Variants in FSIP2 observed in about 807,000 individuals in gnomAD.
FSIP2 encodes fibrous sheath-interacting protein 2.
FSIP2 carries 367 observed loss-of-function variants against 510.5 expected under a neutral mutation model. The observed-to-expected ratio is 0.72, with a 90% CI of 0.66 to 0.78. The LOEUF is 0.78. Among genes scored for constraint, FSIP2 ranks in the 30% least tolerant of loss-of-function variants. FSIP2 has a pLI of 0.00. For synonymous variants in FSIP2, 2,601 were observed against 2,732.2 expected (o/e 0.95, Z 1.50); for missense variants, 7,594 against 7,901.7 (o/e 0.96, Z 1.48).
intron 13 of FSIP2, among the ~76,000 whole-genome samples, chr2:185,768,066 G>C (rs1692531100): frequency 6.6e-6 from 1 of 152,042 alleles, no homozygotes; most frequent in Non-Finnish European, 1.5e-5. Context: ...GGCATTCTAA[G>C]AGATGTGAAG....
chr2:185,752,284 G>A (rs1692164652), intron 7 of FSIP2, among the ~76,000 whole-genome samples: 1 of 150,404 alleles, frequency 6.6e-6, no homozygotes, highest in Admixed American at 6.6e-5. Context: ...TTGATTCCAA[G>A]AAGAATTCTA....
In FSIP2 at chr2:185,803,914, G is replaced by T. The variant is rs1225278162; in HGVS notation, c.14608G>T (p.Asp4870Tyr). ...IQSMVDSIYA[D>Y]LSHSNIYQSI... ...GTCTATGGTTGATTCCATTTATGCTGATCTTTCTCATTCAAATATATACCA... is the reference window on the plus strand; with the variant it reads ...GTCTATGGTTGATTCCATTTATGCTTATCTTTCTCATTCAAATATATACCA... The change falls in exon 17 of 23, where the codon GAT becomes TAT. Residue 4870 changes from aspartate to tyrosine, a missense_variant. By Grantham distance (160) the Asp-to-Tyr change is radical (BLOSUM62 -3). Coordinates refer to ENST00000424728, the MANE Select transcript of FSIP2 (RefSeq NM_173651.4). 1.0e-5 allele frequency: 16 copies of T among 1,525,250 alleles called. No homozygotes were observed. Among genetic ancestry groups the T allele is most frequent in the Non-Finnish European group, 1.3e-5 (15 of 1,139,428 alleles). The allele number at this position is 1,525,250 out of a possible 1,614,324, so 94.5% of individuals were successfully genotyped here. A position where few individuals can be genotyped will look rare whatever the true frequency, so the allele number is the denominator to read the frequency against.
chr2:185,824,699 A>G (rs1394861304), intron 20 of FSIP2, among the ~76,000 whole-genome samples: 3 of 151,824 alleles, frequency 2.0e-5, no homozygotes, highest in Admixed American at 1.3e-4. Context: ...TGTGGTATCA[A>G]GTATATGGTT....
rs1039898970 is a variant in FSIP2 at position 185,738,865 on chromosome 2, G to T, written c.-30G>T. 2.0e-6 allele frequency: 3 copies of T among 1,521,670 alleles called. No individual in the cohort carries two copies. The highest frequency in any genetic ancestry group is 2.9e-5 in the African/African-American group (2 of 70,094). The allele number at this position is 1,521,670 out of a possible 1,614,324, so 94.3% of individuals were successfully genotyped here. ...GCTAGAGAAGGAGAGCGGGGCGGGT[G>T]AGGAAGGGGCTGAGGGGGCTGTGCC... On this transcript the variant is annotated 5_prime_UTR_variant, in exon 1 of 23. Transcript: ENST00000424728.
rs779866454 is a variant in FSIP2, at chr2:185,813,835, G to C, written c.20118G>C (p.Thr6706=). 1.2e-6 allele frequency: 2 copies of C among 1,613,424 alleles called. No individual in the cohort carries two copies. The highest frequency in any genetic ancestry group is 3.3e-5 in the Admixed American group (2 of 59,906). The change falls in exon 18 of 23, where the codon ACG becomes ACC. Residue 6706 remains threonine, a synonymous_variant. Transcript: ENST00000424728. ...TTTCTCCTAAGTCAACACTAAGCAC[G>C]AGCAGCCTGAAAAAATTTTTGTCAC... ...SKLSPKSTLS[T]SSLKKFLSLS... is the part of the protein sequence containing the mutation.
intron 13 of FSIP2, among the ~76,000 whole-genome samples, chr2:185,769,086 A>G (rs1428040413): frequency 2.6e-5 from 4 of 152,180 alleles, no homozygotes; most frequent in Non-Finnish European, 4.4e-5. Flanking sequence ...AATGTGCTGC[A>G]ATGAACATAC....
At chr2:185,743,635 C>T (rs1691969566) in intron 3 of FSIP2, among the ~76,000 whole-genome samples, 1 of 152,002 alleles carries the variant, frequency 6.6e-6, no homozygotes, top group African/African-American at 2.4e-5. Flanking sequence ...GAATTATGTT[C>T]CATATACTTT....
Position 185,745,434 on chromosome 2 carries a change from A to C in FSIP2, c.483A>C (p.Ile161=), listed in dbSNP as rs1692008560. The change falls in exon 5 of 23, where the codon ATA becomes ATC. Residue 161 remains isoleucine, a synonymous_variant. Coordinates refer to ENST00000424728, the MANE Select transcript of FSIP2 (RefSeq NM_173651.4). ...TACACACATTTCTTAAATAGAGAAT[A>C]CTTGCAAAACAACTACATAACATAC... is the stretch of plus-strand genomic sequence containing the variant. ...FERNYIKEQR[I]LAKQLHNIPE... The C allele has an allele frequency of 6.5e-7, 1 of 1,527,352 alleles. No individual in the cohort carries two copies. The highest frequency in any genetic ancestry group is 1.4e-5 in the African/African-American group (1 of 72,880). 94.6% of individuals were successfully genotyped at this position (1,527,352 alleles called of 1,614,324 possible). A position where few individuals can be genotyped will look rare whatever the true frequency, so the allele number is the denominator to read the frequency against.
chr2:185,781,222 A>G (rs571819286), intron 13 of FSIP2, among the ~76,000 whole-genome samples: 1 of 152,330 alleles, frequency 6.6e-6, no homozygotes, highest in East Asian at 1.9e-4. Flanking sequence ...GTACCTATAC[A>G]ACCATTCCGT....
chr2:185,800,813 C>A lies in FSIP2; in HGVS notation c.11507C>A (p.Ser3836Ter). 6.5e-7 allele frequency: 1 copy of A among 1,534,318 alleles called. No homozygotes were observed. The highest frequency in any genetic ancestry group is 8.7e-7 in the Non-Finnish European group (1 of 1,145,550). Residue 3836 changes from serine (S) to a stop codon, truncating the protein, a stop_gained, in exon 17 of 23, where the codon TCA becomes TAA. Coordinates refer to ENST00000424728, the MANE Select transcript of FSIP2 (RefSeq NM_173651.4). LOFTEE classifies it high-confidence loss of function. Reference sequence around the variant, plus strand: ...GAAATTGATCAAGACTTATTGACATCAGACTCTATGCTTACTATTATTTCC... The same window carrying A: ...GAAATTGATCAAGACTTATTGACATAAGACTCTATGCTTACTATTATTTCC... ...VAEIDQDLLT[S>*]DSMLTIISHS...
intron 13 of FSIP2, chr2:185,765,345 A>C (rs183542997): frequency 6.6e-6 from 1 of 151,974 alleles, no homozygotes; most frequent in African/African-American, 2.4e-5. Flanking sequence ...CTTAAGAGCT[A>C]CTCTCTTTCT....
intron 13 of FSIP2, among the ~76,000 whole-genome samples, chr2:185,769,205 C>T (rs927474869): frequency 3.3e-5 from 5 of 152,140 alleles, no homozygotes; most frequent in African/African-American, 1.2e-4. Flanking sequence ...TTTGAGGAAT[C>T]ATCACACGAC....
At position 185,745,575 on chromosome 2, in the gene FSIP2, T is replaced by C. The variant is rs1191383272; in HGVS notation, c.617+7T>C. 1.3e-6 allele frequency: 2 copies of C among 1,527,364 alleles called. No homozygotes were observed. The highest frequency in any genetic ancestry group is 2.8e-5 in the African/African-American group (2 of 72,482). The allele number at this position is 1,527,364 out of a possible 1,614,324, so 94.6% of individuals were successfully genotyped here. ...AGCGGCTGATGAGGCATAGGTAAGATTAAAGTTGAGGCATATTTTATGGGT... is the reference window on the plus strand; with the variant it reads ...AGCGGCTGATGAGGCATAGGTAAGACTAAAGTTGAGGCATATTTTATGGGT... On this transcript the variant is annotated splice_region_variant and intron_variant, in intron 5 of 22. Transcript: ENST00000424728.
chr2:185,765,170 T>C (rs977352126), intron 13 of FSIP2: 1 of 152,004 alleles, frequency 6.6e-6, no homozygotes, highest in African/African-American at 2.4e-5. Context: ...GCTTACAATA[T>C]TTTTGACTTA....
In FSIP2 at chr2:185,801,033, T is replaced by C; in HGVS notation, c.11727T>C (p.Ser3909=). The change falls in exon 17 of 23, where the codon AGT becomes AGC. Residue 3909 remains serine, a synonymous_variant. Transcript: ENST00000424728. ...CTTTAGAACTCAGGAGCTATGATAG[T>C]AATTCTTTGACAGTATCCCTGAATA... ...KSSLELRSYD[S]NSLTVSLNNP... is the part of the protein sequence containing the mutation. 1 of 1,531,768 alleles carries C rather than the reference T, an allele frequency of 6.5e-7. No homozygotes were observed. Among genetic ancestry groups the C allele is most frequent in the South Asian group, 1.2e-5 (1 of 83,734 alleles). The allele number at this position is 1,531,768 out of a possible 1,614,324, so 94.9% of individuals were successfully genotyped here. A position where few individuals can be genotyped will look rare whatever the true frequency, so the allele number is the denominator to read the frequency against.
Position 185,801,503 on chromosome 2 carries a change from A to G in FSIP2, c.12197A>G (p.Asn4066Ser). ...QQYELKVACGNNPVYDNASIA... is the reference protein window; with the variant it reads ...QQYELKVACGSNPVYDNASIA... Reference sequence around the variant, plus strand: ...TATGAATTAAAAGTGGCCTGTGGTAATAATCCGGTATACGACAATGCCTCA... The same window carrying G: ...TATGAATTAAAAGTGGCCTGTGGTAGTAATCCGGTATACGACAATGCCTCA... The change falls in exon 17 of 23, where the codon AAT becomes AGT. Residue 4066 changes from asparagine (N) to serine (S), a missense_variant. Asn to Ser is a conservative substitution (Grantham distance 46). Transcript: ENST00000424728. 1 of 1,533,994 alleles carries G rather than the reference A, an allele frequency of 6.5e-7. No individual in the cohort carries two copies. The highest frequency in any genetic ancestry group is 8.7e-7 in the Non-Finnish European group (1 of 1,145,532).
intron 14 of FSIP2, chr2:185,784,116 T>G (rs909457852): frequency 6.6e-6 from 1 of 152,178 alleles, no homozygotes; most frequent in Non-Finnish European, 1.5e-5. Context: ...CACTTATTGC[T>G]TAGTCTTCTT....
upstream of FSIP2, chr2:185,738,703 C>T: frequency 1.3e-6 from 2 of 1,536,110 alleles, no homozygotes; most frequent in Non-Finnish European, 1.7e-6. Flanking sequence ...GCTCTACGCG[C>T]TGGCGCGAGC....
At position 185,793,885 on chromosome 2, in the gene FSIP2, C is replaced by CTAA; in HGVS notation, c.6750_6752dup (p.Asn2251dup). On this transcript the variant is annotated inframe_insertion, in exon 16 of 23. Transcript: ENST00000424728. ...GCTACTGACTCATGTGAGGAAAATG[C>CTAA]TAACTTCATTACTAAAACTATTTTT... 1.3e-6 allele frequency: 2 copies of CTAA among 1,530,282 alleles called. No individual in the cohort carries two copies. The highest frequency in any genetic ancestry group is 1.7e-6 in the Non-Finnish European group (2 of 1,143,996). The allele number at this position is 1,530,282 out of a possible 1,614,324, so 94.8% of individuals were successfully genotyped here. A position where few individuals can be genotyped will look rare whatever the true frequency, so the allele number is the denominator to read the frequency against.
Sources: allele counts gnomAD v4.1 joint callset (sites outside exome capture counted in the v4.1 genomes callset), GRCh38; gene constraint gnomAD v4.1.1; transcripts MANE v1.5; gene names NCBI Gene and HGNC (gene_info 2026-07-23, HGNC 2026-07-21).